ATP6V1E1: variants seen among roughly 807,000 people sequenced by gnomAD.
The protein encoded by ATP6V1E1 is ATPase H+ transporting V1 subunit E1, also known as V-type proton ATPase subunit E 1.
In ATP6V1E1, 21 loss-of-function variants were observed where a neutral mutation model predicts 35.2. The ratio of observed to expected loss-of-function variants is 0.60; its 90% CI spans 0.42 to 0.86. The LOEUF (loss-of-function observed/expected upper bound fraction) is 0.86, where lower values mean the gene tolerates loss of function less well. ATP6V1E1 is among the 40% of genes least tolerant of loss of function. The probability of loss-of-function intolerance (pLI) is 0.00; values close to 1 mark genes in which losing one functional copy is unlikely to be tolerated. For synonymous variants in ATP6V1E1, 83 were observed against 87.8 expected (o/e 0.95, Z 0.30); for missense variants, 183 against 272.6 (o/e 0.67, Z 2.32).
At chr22:17,596,846 C>T (rs1331836906) in intron 7 of ATP6V1E1, among the ~76,000 whole-genome samples, 3 of 152,048 alleles carry the variant, frequency 2.0e-5, no homozygotes, top group Admixed American at 6.6e-5. Flanking sequence ...TCCTATTTTA[C>T]ATATGATGAA....
At chr22:17,626,478 G>A (rs1444001124) in intron 1 of ATP6V1E1, among the ~76,000 whole-genome samples, 1 of 151,924 alleles carries the variant, frequency 6.6e-6, no homozygotes, top group Non-Finnish European at 1.5e-5. Flanking sequence ...GGGCTCAAAT[G>A]ATTCTCCCAC....
intron 4 of ATP6V1E1, among the ~76,000 whole-genome samples, chr22:17,611,008 C>T (rs1293739991): frequency 1.3e-5 from 2 of 151,994 alleles, no homozygotes; most frequent in Admixed American, 6.6e-5. Context: ...AAGAGAAAAC[C>T]GAGGGTCAGA....
chr22:17,613,422 T>C (rs539143003), intron 2 of ATP6V1E1, 102 bp from the exon 3 acceptor site: 64 of 827,570 alleles, frequency 7.7e-5, no homozygotes, highest in African/African-American at 5.5e-4. Context: ...ACTAATTTCA[T>C]ATATAAAACA....
chr22:17,620,663 C>T (rs1365626639), intron 1 of ATP6V1E1, among the ~76,000 whole-genome samples: 1 of 152,200 alleles, frequency 6.6e-6, no homozygotes, highest in Non-Finnish European at 1.5e-5. Flanking sequence ...CCACTTCTCA[C>T]TTTGAGCTCT....
intron 1 of ATP6V1E1, among the ~76,000 whole-genome samples, chr22:17,620,227 A>G (rs908466404): frequency 6.7e-6 from 1 of 149,086 alleles, no homozygotes. Flanking sequence ...GGCTCACTGC[A>G]AGCTCTGCCT....
intron 1 of ATP6V1E1, among the ~76,000 whole-genome samples, chr22:17,622,495 C>T (rs1026880445): frequency 6.6e-6 from 1 of 152,098 alleles, no homozygotes; most frequent in East Asian, 1.9e-4. Context: ...TAAGAAAGCA[C>T]TACTGGGTGG....
rs902383580 is a variant in ATP6V1E1 at position 17,602,014 on chromosome 22, C to T, written c.277-833G>A. 2.6e-5 allele frequency among the ~76,000 whole-genome samples: 4 copies of T among 152,274 alleles called. No individual in the cohort carries two copies. In the South Asian group the frequency reaches 6.2e-4, roughly 24 times the overall value. ...TGACCATCCAGGCTCAAGTGATCTTCCCGCTTCAACCTCCTCAATATCTGG... is the reference window on the plus strand; with the variant it reads ...TGACCATCCAGGCTCAAGTGATCTTTCCGCTTCAACCTCCTCAATATCTGG... On this transcript the variant is annotated intron_variant, in intron 4 of 8. Transcript: ENST00000253413.
At chr22:17,593,039 C>T (rs1291792073) in intron 8 of ATP6V1E1, among the ~76,000 whole-genome samples, 3 of 152,066 alleles carry the variant, frequency 2.0e-5, no homozygotes, top group Non-Finnish European at 4.4e-5. Flanking sequence ...CCACCCGCCT[C>T]GGCCTCCCAC....
chr22:17,598,349 C>T, intron 6 of ATP6V1E1, 61 bp from the exon 7 acceptor site: 1 of 1,295,658 alleles, frequency 7.7e-7, no homozygotes, highest in Non-Finnish European at 1.1e-6. Context: ...TATCCAAAAA[C>T]TCAACAGACT....
chr22:17,595,414 GAAA>G (rs2057726815), intron 7 of ATP6V1E1: 4 of 152,002 alleles, frequency 2.6e-5, no homozygotes. Flanking sequence ...CCAACAAAAT[GAAA>G]AAGAGAGGAT....
rs1322239539 is a variant in ATP6V1E1 at position 17,592,209 on chromosome 22, T to G, written c.*465A>C. The G allele has an allele frequency of 6.4e-6, 1 of 156,334 alleles. No homozygotes were observed. The highest frequency in any genetic ancestry group is 1.4e-5 in the Non-Finnish European group (1 of 70,510). The allele number at this position is 156,334 out of a possible 1,614,324, so 9.7% of individuals were successfully genotyped here. ...TAATAAATAAAGCATATTCATGGCT[T>G]AGATTTTAAATCACATTTACAGATG... On this transcript the variant is annotated 3_prime_UTR_variant, in exon 9 of 9. Coordinates refer to ENST00000253413, the MANE Select transcript of ATP6V1E1 (RefSeq NM_001696.4).
chr22:17,616,584 C>T (rs867962529), intron 2 of ATP6V1E1, among the ~76,000 whole-genome samples: 2 of 147,586 alleles, frequency 1.4e-5, no homozygotes, highest in Middle Eastern at 7.1e-3. Context: ...GAGGCTGAGG[C>T]AGGAGAATCG....
rs1246150697 is a variant in ATP6V1E1 at position 17,627,340 on chromosome 22, G to A, written c.33+1263C>T. On this transcript the variant is annotated intron_variant, in intron 1 of 8. Transcript: ENST00000253413. ...GATGGGGTTTCACCATGCTGGCCAGGCTCGTCTCGAACTCCTGACCTCAGG... is the reference window on the plus strand; with the variant it reads ...GATGGGGTTTCACCATGCTGGCCAGACTCGTCTCGAACTCCTGACCTCAGG... 2.0e-5 allele frequency among the ~76,000 whole-genome samples: 3 copies of A among 151,056 alleles called. No homozygotes were observed. In the South Asian group the frequency reaches 6.3e-4, roughly 32 times the overall value.
At chr22:17,613,114 G>T in intron 3 of ATP6V1E1, 97 bp downstream of exon 3, 1 of 1,041,188 alleles carries the variant, frequency 9.6e-7, no homozygotes, top group Non-Finnish European at 1.4e-6. Flanking sequence ...GTAGGTGGTC[G>T]AGTTAAGACC....
intron 4 of ATP6V1E1, among the ~76,000 whole-genome samples, chr22:17,605,440 G>A (rs919532911): frequency 1.3e-5 from 2 of 151,952 alleles, no homozygotes; most frequent in Admixed American, 1.3e-4. Context: ...TGAGGCAGGA[G>A]AATCACTTGA....
At chr22:17,623,742 C>T (rs1228007941) in intron 1 of ATP6V1E1, among the ~76,000 whole-genome samples, 2 of 152,012 alleles carry the variant, frequency 1.3e-5, no homozygotes, top group African/African-American at 4.8e-5. Context: ...TAAAGGTGAA[C>T]CCTGATTCGG....
At chr22:17,623,402 C>T (rs942509374) in intron 1 of ATP6V1E1, among the ~76,000 whole-genome samples, 12 of 152,012 alleles carry the variant, frequency 7.9e-5, no homozygotes, top group Non-Finnish European at 1.3e-4. Context: ...TTTAACTAGC[C>T]GGGCTCACGC....
intron 2 of ATP6V1E1, among the ~76,000 whole-genome samples, chr22:17,613,910 C>T (rs934731317): frequency 4.6e-5 from 7 of 151,816 alleles, no homozygotes; most frequent in African/African-American, 1.4e-4. Context: ...GAGCTTGCAG[C>T]GAGTGGAGAT....
At chr22:17,614,687 G>A (rs1033381900) in intron 2 of ATP6V1E1, among the ~76,000 whole-genome samples, 13 of 147,676 alleles carry the variant, frequency 8.8e-5, no homozygotes, top group Non-Finnish European at 1.5e-4. Context: ...AAAAAAAGTT[G>A]CCTGGGCACG....
Sources: gnomAD v4.1 joint callset for allele counts (sites outside exome capture counted in the v4.1 genomes callset) on GRCh38, gnomAD v4.1.1 for gene constraint, MANE v1.5 for transcripts, NCBI Gene and HGNC (gene_info 2026-07-23, HGNC 2026-07-21) for gene names.